The following FLACC1 variants were observed in gnomAD, a reference collection of about 807,000 sequenced individuals.
FLACC1 encodes the protein flagellum associated containing coiled-coil domains 1, also known as flagellum-associated coiled-coil domain-containing protein 1.
A neutral mutation model predicts 62.8 loss-of-function variants in FLACC1; 66 were observed. The observed-to-expected ratio is 1.05, with a 90% CI of 0.86 to 1.29. The LOEUF is 1.29. FLACC1 is among the 50% of genes most tolerant of loss of function. The pLI is 0.00. For synonymous variants in FLACC1, 156 were observed against 161.0 expected (o/e 0.97, Z 0.24); for missense variants, 452 against 489.1 (o/e 0.92, Z 0.71).
chr2:201,289,160 A>G (rs1457075261), intron 14 of FLACC1, among the ~76,000 whole-genome samples: 1 of 149,416 alleles, frequency 6.7e-6, no homozygotes, highest in African/African-American at 2.4e-5. Flanking sequence ...TTTAAAAACC[A>G]CCCTCAGTCA....
intron 11 of FLACC1, among the ~76,000 whole-genome samples, chr2:201,303,080 C>G (rs1271393556): frequency 1.3e-5 from 2 of 150,344 alleles, no homozygotes; most frequent in South Asian, 2.2e-4. Flanking sequence ...TAACTAAGAT[C>G]AGAGCAGAAC....
chr2:201,303,834 G>A (rs913275649), intron 11 of FLACC1, among the ~76,000 whole-genome samples: 2 of 152,090 alleles, frequency 1.3e-5, no homozygotes, highest in Non-Finnish European at 2.9e-5. Context: ...AAAACCACAT[G>A]ATTATCTCAA....
rs140255228 is a variant in FLACC1 at position 201,346,672 on chromosome 2, C to G, written c.238G>C (p.Val80Leu). ...QEETNKSFYEVINVSPGYQLV... is the reference protein window; with the variant it reads ...QEETNKSFYELINVSPGYQLV... ...TGATAGCCAGGTGACACGTTGATCACTTCCTAGGCATCAAGGGAAAGTAAG... is the reference window on the plus strand; with the variant it reads ...TGATAGCCAGGTGACACGTTGATCAGTTCCTAGGCATCAAGGGAAAGTAAG... The change falls in exon 5 of 15, where the codon GTG becomes CTG. Residue 80 changes from valine to leucine, a missense_variant. Val to Leu is a conservative substitution (Grantham distance 32). Transcript: ENST00000392257. This position sits in a 1 kb window ranked among gnomAD's most constrained non-coding sequence, Gnocchi z 4.0. 1.4e-4 allele frequency: 222 copies of G among 1,614,150 alleles called. No homozygotes were observed. In the African/African-American group the frequency reaches 2.5e-3, roughly 18 times the overall value.
At chr2:201,315,262 G>A (rs192824434) in intron 9 of FLACC1, among the ~76,000 whole-genome samples, 1 of 152,250 alleles carries the variant, frequency 6.6e-6, no homozygotes, top group East Asian at 1.9e-4. Flanking sequence ...ATACAGAATT[G>A]CTGAATGGGT....
chr2:201,322,281 A>G (rs1950419528), intron 9 of FLACC1, among the ~76,000 whole-genome samples: 1 of 151,958 alleles, frequency 6.6e-6, no homozygotes, highest in Non-Finnish European at 1.5e-5. Context: ...AAAAAGAAAA[A>G]AAAAACTGGA....
chr2:201,351,215 A>G, intron 2 of FLACC1, 77 bp downstream of exon 2: 1 of 1,283,610 alleles, frequency 7.8e-7, no homozygotes, highest in Non-Finnish European at 1.1e-6. Flanking sequence ...TTGCTGTTTT[A>G]GAAATCTTGT....
chr2:201,353,965 C>A (rs567238108), intron 1 of FLACC1, among the ~76,000 whole-genome samples: 42 of 152,284 alleles, frequency 2.8e-4, no homozygotes, highest in African/African-American at 8.2e-4. Flanking sequence ...AATGGCCTAA[C>A]AGAAGCATTA....
At chr2:201,363,991 G>C in the FLACC1 span, among the ~76,000 whole-genome samples, 1 of 152,114 alleles carries the variant, frequency 6.6e-6, no homozygotes, top group Admixed American at 6.5e-5. Flanking sequence ...CTCCCTCCCT[G>C]TGTCTGAGCA....
intron 11 of FLACC1, among the ~76,000 whole-genome samples, chr2:201,303,559 A>G (rs1950035345): frequency 6.6e-6 from 1 of 152,240 alleles, no homozygotes; most frequent in South Asian, 2.1e-4. Context: ...AAAAGAGGGA[A>G]TCTTCCCTAA....
intron 1 of FLACC1, chr2:201,352,043 C>T (rs899664601): frequency 7.2e-5 from 11 of 152,220 alleles, no homozygotes; most frequent in Non-Finnish European, 1.3e-4. Flanking sequence ...TAAAACTGCT[C>T]AATTATTGTT....
chr2:201,349,677 C>T (rs1312369679), intron 3 of FLACC1, among the ~76,000 whole-genome samples: 1 of 152,146 alleles, frequency 6.6e-6, no homozygotes, highest in Non-Finnish European at 1.5e-5. Context: ...TTGTAAAATG[C>T]GAGTAAAAAT....
At chr2:201,339,509 T>G (rs1950763585) in intron 7 of FLACC1, among the ~76,000 whole-genome samples, 1 of 152,160 alleles carries the variant, frequency 6.6e-6, no homozygotes, top group Non-Finnish European at 1.5e-5. Context: ...TTATTTGAAA[T>G]CTTTCTACTT....
intron 9 of FLACC1, among the ~76,000 whole-genome samples, chr2:201,329,236 A>G (rs1043552763): frequency 2.6e-5 from 4 of 152,250 alleles, no homozygotes; most frequent in African/African-American, 9.6e-5. Context: ...ATCAAAAACC[A>G]TAATGAGATA....
At chr2:201,318,312 C>T (rs1159563953) in intron 9 of FLACC1, among the ~76,000 whole-genome samples, 2 of 152,102 alleles carry the variant, frequency 1.3e-5, no homozygotes, top group African/African-American at 4.8e-5. Flanking sequence ...AACAGACAAC[C>T]CACAGAGTGG....
chr2:201,326,613 G>A lies in FLACC1; in HGVS notation c.675+3857C>T, dbSNP rs550026037. ...ATACTTAGGAATGTACTTAACCAAG[G>A]AGGTGAAAGATCTCTACAAGGAGAA... is the stretch of plus-strand genomic sequence containing the variant. On this transcript the variant is annotated intron_variant, in intron 9 of 14. Coordinates refer to ENST00000392257, the MANE Select transcript of FLACC1 (RefSeq NM_001127391.3). The surrounding 1 kb of genome is among the most constrained non-coding windows in gnomAD (Gnocchi z 4.1). Among the ~76,000 whole-genome samples, 59 of 152,246 alleles carry A rather than the reference G, an allele frequency of 3.9e-4. No homozygotes were observed. The South Asian group carries it at 4.4e-3, about 11-fold the overall frequency.
At chr2:201,335,608 C>A (rs6435079) in intron 7 of FLACC1, among the ~76,000 whole-genome samples, 1 of 151,940 alleles carries the variant, frequency 6.6e-6, no homozygotes, top group African/African-American at 2.4e-5. Context: ...TTTAAAATCA[C>A]GTGCCTTTAG....
intron 10 of FLACC1, 131 bp downstream of exon 10, chr2:201,309,020 C>T (rs1950160546): frequency 4.1e-6 from 3 of 733,256 alleles, no homozygotes; most frequent in Admixed American, 4.6e-5. Context: ...TGGGCACCTT[C>T]CATTCAGGTA....
intron 7 of FLACC1, among the ~76,000 whole-genome samples, chr2:201,332,649 T>A (rs1251751991): frequency 6.6e-6 from 1 of 152,316 alleles, no homozygotes; most frequent in East Asian, 1.9e-4. Context: ...GCAATAGATC[T>A]AAGAAAATCC....
chr2:201,288,864 T>G (rs1949656019), intron 14 of FLACC1, 83 bp from the exon 15 acceptor site: 1 of 1,497,932 alleles, frequency 6.7e-7, no homozygotes, highest in Non-Finnish European at 9.0e-7. Context: ...GGGAGAGAAA[T>G]GTGCCTTCGT....
Sources: allele counts gnomAD v4.1 joint callset (sites outside exome capture counted in the v4.1 genomes callset), GRCh38; gene constraint gnomAD v4.1.1; non-coding constraint Gnocchi (gnomAD v3.1); transcripts MANE v1.5; gene names NCBI Gene and HGNC (gene_info 2026-07-23, HGNC 2026-07-21).